SGTB: variants seen among roughly 807,000 people sequenced by gnomAD.
SGTB encodes the protein small glutamine-rich tetratricopeptide repeat-containing protein beta.
In SGTB, 19 loss-of-function variants were observed where a neutral mutation model predicts 43.9. The observed-to-expected ratio is 0.43, with a 90% CI of 0.30 to 0.63. The LOEUF is 0.63. Among genes scored for constraint, SGTB ranks in the 30% least tolerant of loss-of-function variants. The pLI is 0.12. For missense variants in SGTB, 304 were observed against 358.9 expected (o/e 0.85, Z 1.24); for synonymous variants, 116 against 117.3 (o/e 0.99, Z 0.07).
intron 5 of SGTB, among the ~76,000 whole-genome samples, chr5:65,700,483 C>G (rs1057468042): frequency 6.6e-6 from 1 of 151,178 alleles, no homozygotes; most frequent in Non-Finnish European, 1.5e-5. Context: ...CCTGGCTAAC[C>G]TGGCTAACGT....
chr5:65,695,450 A>G (rs1757698971), intron 5 of SGTB, among the ~76,000 whole-genome samples: 1 of 152,216 alleles, frequency 6.6e-6, no homozygotes, highest in African/African-American at 2.4e-5. Flanking sequence ...AGGAAAGGAA[A>G]GAGAAGACAG....
chr5:65,698,805 G>A (rs1672388415), intron 5 of SGTB, among the ~76,000 whole-genome samples: 2 of 152,094 alleles, frequency 1.3e-5, no homozygotes, highest in Non-Finnish European at 2.9e-5. Flanking sequence ...AATTTTCAGG[G>A]AAATGCAAAT....
At chr5:65,715,664 A>G (rs1301071775) in intron 2 of SGTB, among the ~76,000 whole-genome samples, 1 of 152,236 alleles carries the variant, frequency 6.6e-6, no homozygotes. Context: ...TTTCCTTCCT[A>G]GTAGGAGATG....
At chr5:65,720,081 C>CTTTTTTTT (rs11312137) in intron 2 of SGTB, among the ~76,000 whole-genome samples, 2 of 124,976 alleles carry the variant, frequency 1.6e-5, no homozygotes, top group African/African-American at 3.0e-5. Context: ...TTTTCTTTTT[C>CTTTTTTTT]TTTTTTTTTT....
chr5:65,699,054 T>C (rs1330754512), intron 5 of SGTB, among the ~76,000 whole-genome samples: 1 of 151,942 alleles, frequency 6.6e-6, no homozygotes, highest in Non-Finnish European at 1.5e-5. Flanking sequence ...GAAAAAAAAA[T>C]CATTATATCC....
chr5:65,688,844 C>T (rs1049534968), intron 5 of SGTB, among the ~76,000 whole-genome samples: 1 of 152,154 alleles, frequency 6.6e-6, no homozygotes, highest in Non-Finnish European at 1.5e-5. Context: ...GAGTCTTGCT[C>T]TGTCGCCCAG....
At chr5:65,722,846 C>A (rs1401633195), upstream of SGTB, 2 of 163,250 alleles carry the variant, frequency 1.2e-5, no homozygotes, top group African/African-American at 4.8e-5. Flanking sequence ...TTAACATCCA[C>A]CCGAGATGAA....
rs1561782156 is a variant in SGTB, at chr5:65,667,815, T to A, written c.*2431A>T. The A allele has an allele frequency of 6.6e-6, 1 of 152,214 alleles. No homozygotes were observed. The highest frequency in any genetic ancestry group is 2.4e-5 in the African/African-American group (1 of 41,450). The allele number at this position is 152,214 out of a possible 1,614,324, so 9.4% of individuals were successfully genotyped here. On this transcript the variant is annotated 3_prime_UTR_variant, in exon 11 of 11. Coordinates refer to ENST00000381007, the MANE Select transcript of SGTB (RefSeq NM_019072.3). ...TCAGAATTGAACACGTGGCCCTGAA[T>A]CTGCATCTTTAATGAATTATCCAGG...
intron 6 of SGTB, among the ~76,000 whole-genome samples, chr5:65,682,826 T>C (rs1344920327): frequency 6.6e-6 from 1 of 152,172 alleles, no homozygotes; most frequent in African/African-American, 2.4e-5. Flanking sequence ...ATATATATAG[T>C]TGATTCTTAT....
rs376095093 is a variant in SGTB at position 65,672,253 on chromosome 5, A to G, written c.710T>C (p.Val237Ala). ...MAASLMQNPQ[V>A]QQLMSGMMTN... ...CTTTCTATATACTTACAGCTGTTGA[A>G]CTTGAGGGTTCTGCATTAAACTTGC... Residue 237 changes from valine to alanine, a missense_variant, in exon 9 of 11, where the codon GTT (valine) becomes GCT (alanine). Physicochemically the swap from Val to Ala is moderately conservative, Grantham distance 64. Transcript: ENST00000381007. The G allele has an allele frequency of 1.9e-6, 3 of 1,613,990 alleles. No homozygotes were observed. In the African/African-American group the frequency reaches 4.0e-5, roughly 22 times the overall value.
rs763626419 is a variant in SGTB, at chr5:65,672,006, A to C, written c.720-8T>G. 1 of 1,613,752 alleles carries C rather than the reference A, an allele frequency of 6.2e-7. No individual in the cohort carries two copies. Among genetic ancestry groups the C allele is most frequent in the East Asian group, 2.2e-5 (1 of 44,878 alleles). On this transcript the variant is annotated splice_polypyrimidine_tract_variant and splice_region_variant and intron_variant, in intron 9 of 10. Transcript: ENST00000381007. ...GTCATCATTCCTGACATTCTAGAGT[A>C]CACAAGAAATACATCACTGGGATTG...
Position 65,706,893 on chromosome 5 carries a change from G to C in SGTB, c.274+1596C>G, listed in dbSNP as rs570348777. Among the ~76,000 whole-genome samples the C allele has an allele frequency of 2.3e-4, 35 of 152,078 alleles. 1 individual carries two copies. The South Asian group carries it at 6.8e-3, about 30-fold the overall frequency. Reference sequence around the variant, plus strand: ...AAAATATCAAAGACAGTGTTATTTAGGATTACAAAATTATCTGTCTAGGTA... The same window carrying C: ...AAAATATCAAAGACAGTGTTATTTACGATTACAAAATTATCTGTCTAGGTA... On this transcript the variant is annotated intron_variant, in intron 4 of 10. Transcript: ENST00000381007.
chr5:65,673,966 T>G (rs1757214443), intron 8 of SGTB, among the ~76,000 whole-genome samples: 1 of 152,166 alleles, frequency 6.6e-6, no homozygotes, highest in African/African-American at 2.4e-5. Flanking sequence ...CTATAGTGCT[T>G]CTTTATCCTG....
intron 2 of SGTB, among the ~76,000 whole-genome samples, chr5:65,719,233 G>A (rs1758207025): frequency 6.6e-6 from 1 of 152,168 alleles, no homozygotes. Context: ...GCAGTTTCAA[G>A]ATGGGATTTA....
chr5:65,693,015 C>A (rs1757642403), intron 5 of SGTB, among the ~76,000 whole-genome samples: 1 of 151,908 alleles, frequency 6.6e-6, no homozygotes, highest in African/African-American at 2.4e-5. Flanking sequence ...AGAAAGCCTG[C>A]CCAACATGAT....
chr5:65,705,143 A>C (rs1314698162), intron 4 of SGTB, among the ~76,000 whole-genome samples: 2 of 152,188 alleles, frequency 1.3e-5, no homozygotes, highest in Non-Finnish European at 2.9e-5. Flanking sequence ...ACTTGTAAGA[A>C]CCAATGGTTC....
chr5:65,674,894 T>C (rs1284484463), intron 8 of SGTB, among the ~76,000 whole-genome samples: 2 of 152,046 alleles, frequency 1.3e-5, no homozygotes, highest in Non-Finnish European at 2.9e-5. Context: ...TGAAATTTGA[T>C]AAGGGAAAAA....
At chr5:65,684,060 G>A (rs1466272627) in intron 6 of SGTB, among the ~76,000 whole-genome samples, 1 of 151,892 alleles carries the variant, frequency 6.6e-6, no homozygotes, top group Non-Finnish European at 1.5e-5. Context: ...GGGAACGCTG[G>A]GTAAAGGGAT....
intron 2 of SGTB, among the ~76,000 whole-genome samples, chr5:65,714,908 C>G (rs781134317): frequency 1.3e-5 from 2 of 152,098 alleles, no homozygotes; most frequent in African/African-American, 4.8e-5. Context: ...AAATGGAGAA[C>G]CATTAAAGAA....
Sources: allele counts gnomAD v4.1 joint callset (sites outside exome capture counted in the v4.1 genomes callset), GRCh38; gene constraint gnomAD v4.1.1; transcripts MANE v1.5; gene names NCBI Gene and HGNC (gene_info 2026-07-23, HGNC 2026-07-21).